The following OTUD7A variants were observed in gnomAD, a reference collection of about 807,000 sequenced individuals.
OTUD7A encodes the protein OTU deubiquitinase 7A, also known as OTU domain-containing protein 7A.
OTUD7A carries 12 observed loss-of-function variants against 65.7 expected under a neutral mutation model. The observed-to-expected ratio is 0.18, with a 90% CI of 0.12 to 0.30. The LOEUF (loss-of-function observed/expected upper bound fraction) is 0.30. Among genes scored for constraint, OTUD7A ranks in the 10% least tolerant of loss-of-function variants. The probability of loss-of-function intolerance (pLI) is 1.00; values close to 1 mark genes in which losing one functional copy is unlikely to be tolerated. For missense variants in OTUD7A, 1,148 were observed against 1,304.8 expected (o/e 0.88, Z 1.85); for synonymous variants, 641 against 586.3 (o/e 1.09, Z -1.35).
intron 5 of OTUD7A, among the ~76,000 whole-genome samples, chr15:31,533,012 A>C (rs990044185): frequency 3.0e-4 from 45 of 151,856 alleles, no homozygotes; most frequent in African/African-American, 1.0e-3. Context: ...GCAAATGAAC[A>C]AACAAACATA....
intron 1 of OTUD7A, among the ~76,000 whole-genome samples, chr15:31,741,863 T>C (rs1481417281): frequency 6.6e-6 from 1 of 151,926 alleles, no homozygotes; most frequent in African/African-American, 2.4e-5. Context: ...AAAACAAATA[T>C]ATGGTAGACA....
chr15:31,568,406 G>C (rs1346142897), intron 4 of OTUD7A, among the ~76,000 whole-genome samples: 1 of 152,338 alleles, frequency 6.6e-6, no homozygotes, highest in South Asian at 2.1e-4. Context: ...GAATGGGAAT[G>C]TTTACCCGAT....
chr15:31,721,685 C>T (rs1439213281), intron 1 of OTUD7A, among the ~76,000 whole-genome samples: 2 of 151,760 alleles, frequency 1.3e-5, no homozygotes, highest in East Asian at 1.9e-4. Flanking sequence ...TCTAAATCAA[C>T]GTGATCAACA....
At chr15:31,766,502 G>C in intron 1 of OTUD7A, 1 of 1,608,856 alleles carries the variant, frequency 6.2e-7, no homozygotes, top group South Asian at 1.1e-5. Context: ...GTCTTTTATT[G>C]ATTGTGGCAC....
At chr15:31,729,800 G>T (rs1435062321) in intron 1 of OTUD7A, among the ~76,000 whole-genome samples, 1 of 152,122 alleles carries the variant, frequency 6.6e-6, no homozygotes, top group East Asian at 1.9e-4. Context: ...CTCGTTGTCA[G>T]ATTTCTTAAC....
At chr15:31,842,309 C>A (rs1897202636) in intron 1 of OTUD7A, among the ~76,000 whole-genome samples, 3 of 152,208 alleles carry the variant, frequency 2.0e-5, no homozygotes. Context: ...AGTTACTTGG[C>A]TGCATTTATT....
intron 3 of OTUD7A, among the ~76,000 whole-genome samples, chr15:31,587,419 C>T (rs1230309635): frequency 1.3e-5 from 2 of 152,004 alleles, no homozygotes; most frequent in Middle Eastern, 3.4e-3. Context: ...AGGTGGATCA[C>T]GAGGTCAGGA....
chr15:31,644,351 C>T lies in OTUD7A; in HGVS notation c.151+10745G>A, dbSNP rs1329766513. Among the ~76,000 whole-genome samples the T allele has an allele frequency of 1.1e-4, 16 of 152,170 alleles. 1 individual carries two copies. The highest frequency in any genetic ancestry group is 6.8e-3 in the Middle Eastern group (2 of 294). On this transcript the variant is annotated intron_variant, in intron 3 of 12. Coordinates refer to ENST00000307050, the MANE Select transcript of OTUD7A (RefSeq NM_001382637.1). ...TGCTCTAACCTCACCCTTGGTGTGG[C>T]CGTGTCCTTGACTTCCTTGGCTGTG...
intron 1 of OTUD7A, among the ~76,000 whole-genome samples, chr15:31,680,385 G>A (rs1892684969): frequency 6.6e-6 from 1 of 152,218 alleles, no homozygotes; most frequent in Admixed American, 6.5e-5. Flanking sequence ...TGTAAAAAAA[G>A]TTTGTCCATA....
At chr15:31,575,640 C>T (rs1319479246) in intron 3 of OTUD7A, among the ~76,000 whole-genome samples, 3 of 152,178 alleles carry the variant, frequency 2.0e-5, no homozygotes, top group South Asian at 2.1e-4. Flanking sequence ...ATAGAGCAGC[C>T]ACTATAAGCC....
At chr15:31,800,536 C>G (rs909134096) in intron 1 of OTUD7A, among the ~76,000 whole-genome samples, 1 of 152,090 alleles carries the variant, frequency 6.6e-6, no homozygotes, top group Non-Finnish European at 1.5e-5. Context: ...ACAGGAGAGC[C>G]AACCTACCCA....
chr15:31,685,537 T>C (rs1177897300), intron 1 of OTUD7A, among the ~76,000 whole-genome samples: 1 of 151,330 alleles, frequency 6.6e-6, no homozygotes, highest in African/African-American at 2.4e-5. Flanking sequence ...CGGGCGCCTG[T>C]AGTCCCAGCT....
At chr15:31,516,300 A>G (rs2041854328) in intron 8 of OTUD7A, among the ~76,000 whole-genome samples, 1 of 152,220 alleles carries the variant, frequency 6.6e-6, no homozygotes, top group South Asian at 2.1e-4. Flanking sequence ...TTGAGAGGTG[A>G]TGGAGGACAG....
intron 8 of OTUD7A, among the ~76,000 whole-genome samples, chr15:31,510,584 TAC>T (rs79518052): frequency 0.089 from 5,011 of 56,152 alleles, 638 homozygotes; most frequent in Middle Eastern, 0.16. Context: ...ATATGTAACA[TAC>T]ATATGTATAT....
At chr15:31,820,979 G>A (rs899997968) in intron 1 of OTUD7A, among the ~76,000 whole-genome samples, 6 of 151,986 alleles carry the variant, frequency 3.9e-5, no homozygotes, top group Admixed American at 2.0e-4. Context: ...CCCAGCCCTA[G>A]GCAACCACGA....
chr15:31,827,500 C>T lies in OTUD7A; in HGVS notation c.-100+43007G>A, dbSNP rs558310185. Among the ~76,000 whole-genome samples the T allele has an allele frequency of 1.2e-4, 19 of 152,302 alleles. No homozygotes were observed. In the South Asian group the frequency reaches 3.7e-3, roughly 30 times the overall value. On this transcript the variant is annotated intron_variant, in intron 1 of 12. Coordinates refer to ENST00000307050, the MANE Select transcript of OTUD7A (RefSeq NM_001382637.1). Reference sequence around the variant, plus strand: ...TCAAGATGAGATTTGGGTGGGGACACAGAGCTAAACTGTATCATTTACCAA... The same window carrying T: ...TCAAGATGAGATTTGGGTGGGGACATAGAGCTAAACTGTATCATTTACCAA...
intron 3 of OTUD7A, among the ~76,000 whole-genome samples, chr15:31,574,559 G>T (rs909702303): frequency 2.0e-5 from 3 of 152,160 alleles, no homozygotes; most frequent in Non-Finnish European, 4.4e-5. Flanking sequence ...TTATGATCTT[G>T]TATCAAACAA....
chr15:31,499,676 G>C (rs7172042), intron 10 of OTUD7A, among the ~76,000 whole-genome samples: 45,575 of 152,190 alleles, frequency 0.3, 7,591 homozygotes, highest in African/African-American at 0.44. Flanking sequence ...GCAGTGGGTC[G>C]TGGGGACCTT....
chr15:31,646,426 CCTTTCCCTTT>C (rs1891667692), intron 3 of OTUD7A, among the ~76,000 whole-genome samples: 1 of 150,764 alleles, frequency 6.6e-6, no homozygotes, highest in African/African-American at 2.4e-5. Context: ...CTCTTCCTTT[CCTTTCCCTTT>C]CTTTCCTTCT....
Sources: allele counts gnomAD v4.1 joint callset (sites outside exome capture counted in the v4.1 genomes callset), GRCh38; gene constraint gnomAD v4.1.1; transcripts MANE v1.5; gene names NCBI Gene and HGNC (gene_info 2026-07-23, HGNC 2026-07-21).